SLC44A5: variants seen among roughly 807,000 people sequenced by gnomAD.
The protein encoded by SLC44A5 is solute carrier family 44 member 5.
In SLC44A5, 57 loss-of-function variants were observed where a neutral mutation model predicts 101.8. The observed-to-expected ratio is 0.56, with a 90% CI of 0.45 to 0.70. SLC44A5 has a LOEUF of 0.70. Ranked by LOEUF, SLC44A5 falls within the 30% of genes least tolerant of loss-of-function variation. SLC44A5 has a pLI of 0.00. For synonymous variants in SLC44A5, 281 were observed against 290.9 expected (o/e 0.97, Z 0.35); for missense variants, 737 against 853.1 (o/e 0.86, Z 1.70).
chr1:75,673,832 T>A, the SLC44A5 span, among the ~76,000 whole-genome samples: 1 of 152,026 alleles, frequency 6.6e-6, no homozygotes, highest in African/African-American at 2.4e-5. Context: ...CCCCTATGAG[T>A]CTGCAAGAGC....
At chr1:75,314,014 C>T (rs1655505672) in intron 4 of SLC44A5, among the ~76,000 whole-genome samples, 1 of 152,082 alleles carries the variant, frequency 6.6e-6, no homozygotes, top group Non-Finnish European at 1.5e-5. Context: ...CATGAGAAAG[C>T]AGATAATAAG....
At chr1:75,396,841 C>G (rs1249813) in intron 2 of SLC44A5, among the ~76,000 whole-genome samples, 3 of 151,826 alleles carry the variant, frequency 2.0e-5, no homozygotes, top group Non-Finnish European at 4.4e-5. Context: ...CATGAAGGTG[C>G]TGGAGGTAAG....
chr1:75,471,544 C>T (rs1334664140), intron 2 of SLC44A5, among the ~76,000 whole-genome samples: 3 of 152,036 alleles, frequency 2.0e-5, no homozygotes, highest in African/African-American at 7.2e-5. Flanking sequence ...GGGGGAAAGC[C>T]CATGCCCTCA....
the SLC44A5 span, among the ~76,000 whole-genome samples, chr1:75,664,793 C>T: frequency 1.8e-4 from 27 of 151,490 alleles, no homozygotes; most frequent in South Asian, 4.2e-4. Flanking sequence ...TGGTGGTGGG[C>T]GCCTGTAGTC....
chr1:75,504,513 C>T lies in SLC44A5; in HGVS notation c.13+36922G>A, dbSNP rs12097181. 1.8e-3 allele frequency among the ~76,000 whole-genome samples: 278 copies of T among 152,140 alleles called. 5 individuals are homozygous for T. The highest frequency in any genetic ancestry group is 0.01 in the Middle Eastern group (3 of 294). On this transcript the variant is annotated intron_variant, in intron 2 of 23. Coordinates refer to ENST00000370859, the MANE Select transcript of SLC44A5 (RefSeq NM_001130058.2). ...AACATAGGAATATTGAAAATTTATA[C>T]CTCAATCACTATGCTAACCCCATAT...
chr1:75,466,405 C>T (rs180803903), intron 2 of SLC44A5, among the ~76,000 whole-genome samples: 1 of 152,178 alleles, frequency 6.6e-6, no homozygotes, highest in East Asian at 1.9e-4. Context: ...GCCTGTAATC[C>T]CAGCACTTTG....
intron 3 of SLC44A5, among the ~76,000 whole-genome samples, chr1:75,357,593 T>C (rs1659175279): frequency 2.0e-5 from 3 of 152,092 alleles, no homozygotes; most frequent in Admixed American, 2.0e-4. Context: ...AGCTCATATT[T>C]AGCTGTGAAA....
intron 1 of SLC44A5, among the ~76,000 whole-genome samples, chr1:75,586,422 T>C (rs1451097843): frequency 6.6e-6 from 1 of 151,280 alleles, no homozygotes; most frequent in Non-Finnish European, 1.5e-5. Flanking sequence ...CTACTGATTC[T>C]GTTTCTCTGG....
intron 2 of SLC44A5, among the ~76,000 whole-genome samples, chr1:75,532,258 C>T (rs547744835): frequency 2.0e-5 from 3 of 152,262 alleles, no homozygotes; most frequent in South Asian, 2.1e-4. Flanking sequence ...AGCATACTCT[C>T]GGGAATTAAC....
At chr1:75,253,370 T>A (rs1226704631) in intron 6 of SLC44A5, among the ~76,000 whole-genome samples, 1 of 152,262 alleles carries the variant, frequency 6.6e-6, no homozygotes, top group Non-Finnish European at 1.5e-5. Context: ...CTGAAAACTA[T>A]GTAATCTGCC....
intron 1 of SLC44A5, among the ~76,000 whole-genome samples, chr1:75,544,871 A>AT (rs376768446): frequency 0.024 from 3,633 of 151,462 alleles, 147 homozygotes; most frequent in African/African-American, 0.084. Context: ...GTACCAAGGG[A>AT]TTTTTTTTTA....
intron 2 of SLC44A5, among the ~76,000 whole-genome samples, chr1:75,434,108 C>T (rs558947429): frequency 6.6e-5 from 10 of 152,206 alleles, no homozygotes; most frequent in Admixed American, 2.6e-4. Flanking sequence ...CCACATCACC[C>T]TCTCATCTCT....
the SLC44A5 span, among the ~76,000 whole-genome samples, chr1:75,698,674 A>G: frequency 6.6e-6 from 1 of 152,250 alleles, no homozygotes; most frequent in East Asian, 1.9e-4. Context: ...ACGAGCTGAG[A>G]GAAGAAGGCT....
At position 75,215,820 on chromosome 1, in the gene SLC44A5, G is replaced by A; in HGVS notation, c.1662C>T (p.Cys554=). The A allele has an allele frequency of 6.2e-7, 1 of 1,608,202 alleles. No homozygotes were observed. Among genetic ancestry groups the A allele is most frequent in the Non-Finnish European group, 8.5e-7 (1 of 1,175,156 alleles). ...QNTLSKFLQC[C]LRCCFWCLEN... ...CCAAACACCAGAAGCAGCATCTCAG[G>A]CAGCATTGTAGGAATTTAGACAATG... The change falls in exon 19 of 24, where the codon TGC becomes TGT. Residue 554 remains cysteine (C), a synonymous_variant. Transcript: ENST00000370859.
intron 1 of SLC44A5, among the ~76,000 whole-genome samples, chr1:75,602,273 G>T (rs1438615436): frequency 6.6e-6 from 1 of 152,120 alleles, no homozygotes; most frequent in African/African-American, 2.4e-5. Context: ...AACATAGGGA[G>T]CCTTGGTCTT....
chr1:75,229,577 C>G (rs1347134160), intron 12 of SLC44A5, among the ~76,000 whole-genome samples: 1 of 152,042 alleles, frequency 6.6e-6, no homozygotes, highest in Non-Finnish European at 1.5e-5. Context: ...AGATATTTTC[C>G]CCAAAAGAGC....
At chr1:75,451,613 G>T (rs1217959360) in intron 2 of SLC44A5, among the ~76,000 whole-genome samples, 1 of 152,018 alleles carries the variant, frequency 6.6e-6, no homozygotes, top group Admixed American at 6.6e-5. Context: ...AAGAATTCTG[G>T]CACCATGGAA....
At chr1:75,615,120 C>T (rs1471214257), upstream of SLC44A5, among the ~76,000 whole-genome samples, 1 of 152,100 alleles carries the variant, frequency 6.6e-6, no homozygotes, top group East Asian at 1.9e-4. Context: ...CGCTTCTCTC[C>T]GCGAACTTTC....
At chr1:75,626,078 A>G in the SLC44A5 span, among the ~76,000 whole-genome samples, 1 of 152,176 alleles carries the variant, frequency 6.6e-6, no homozygotes, top group African/African-American at 2.4e-5. Flanking sequence ...AGGGGAAAGG[A>G]ATAATTAAGA....
Sources: gnomAD v4.1 joint callset for allele counts (sites outside exome capture counted in the v4.1 genomes callset) on GRCh38, gnomAD v4.1.1 for gene constraint, MANE v1.5 for transcripts, NCBI Gene and HGNC (gene_info 2026-07-23, HGNC 2026-07-21) for gene names.